ZCWPW2: variants seen among roughly 807,000 people sequenced by gnomAD.
ZCWPW2 encodes zinc finger CW-type and PWWP domain containing 2.
Under a neutral mutation model 46.6 loss-of-function variants are expected in ZCWPW2, and 45 were observed. The observed-to-expected ratio is 0.96, with a 90% confidence interval of 0.76 to 1.24. ZCWPW2 has a LOEUF of 1.24. Among genes scored for constraint, ZCWPW2 ranks in the 50% most tolerant of loss-of-function variants. The pLI is 0.00. For missense variants in ZCWPW2, 429 were observed against 403.9 expected (o/e 1.06, Z -0.53); for synonymous variants, 152 against 137.1 (o/e 1.11, Z -0.76).
chr3:28,373,905 C>G (rs1435824201), intron 1 of ZCWPW2, among the ~76,000 whole-genome samples: 1 of 152,148 alleles, frequency 6.6e-6, no homozygotes, highest in African/African-American at 2.4e-5. Flanking sequence ...TTAATCCCAT[C>G]TCAGATGGAT....
chr3:28,508,500 C>T (rs994351588), intron 6 of ZCWPW2, among the ~76,000 whole-genome samples: 3 of 151,742 alleles, frequency 2.0e-5, no homozygotes, highest in Non-Finnish European at 2.9e-5. Context: ...TCACTTTCAA[C>T]CTTTTTGTTT....
At chr3:28,460,167 C>A (rs1698573123) in intron 4 of ZCWPW2, among the ~76,000 whole-genome samples, 1 of 151,810 alleles carries the variant, frequency 6.6e-6, no homozygotes, top group African/African-American at 2.4e-5. Context: ...TTATTTTTCT[C>A]TGGCTAATTT....
chr3:28,486,026 T>G (rs1699589805), intron 5 of ZCWPW2, among the ~76,000 whole-genome samples: 1 of 152,168 alleles, frequency 6.6e-6, no homozygotes, highest in African/African-American at 2.4e-5. Context: ...TTTTTCTGTC[T>G]TTGTGATTTT....
chr3:28,435,789 A>T (rs1404182668), intron 4 of ZCWPW2, among the ~76,000 whole-genome samples: 1 of 152,134 alleles, frequency 6.6e-6, no homozygotes, highest in Non-Finnish European at 1.5e-5. Flanking sequence ...CCCAGCCTTA[A>T]ATTTTATTTT....
chr3:28,389,334 CT>C (rs112347370), intron 1 of ZCWPW2, among the ~76,000 whole-genome samples: 1 of 152,042 alleles, frequency 6.6e-6, no homozygotes, highest in African/African-American at 2.4e-5. Flanking sequence ...CATCCTTTTT[CT>C]TTTTTTTCCA....
intron 1 of ZCWPW2, among the ~76,000 whole-genome samples, chr3:28,353,856 G>T (rs1300131460): frequency 2.0e-5 from 3 of 152,148 alleles, no homozygotes; most frequent in South Asian, 4.1e-4. Flanking sequence ...CAACAGAGGA[G>T]GTTGGTAGAT....
intron 1 of ZCWPW2, among the ~76,000 whole-genome samples, chr3:28,371,804 G>A (rs1575059987): frequency 6.6e-6 from 1 of 152,186 alleles, no homozygotes; most frequent in South Asian, 2.1e-4. Flanking sequence ...GGGGGTTGGT[G>A]GCGGATGTGG....
intron 1 of ZCWPW2, among the ~76,000 whole-genome samples, chr3:28,389,339 T>C (rs1009717068): frequency 3.3e-5 from 5 of 152,202 alleles, no homozygotes; most frequent in Non-Finnish European, 7.3e-5. Flanking sequence ...TTTTTCTTTT[T>C]TTTCCATCAC....
At chr3:28,474,586 C>CGTGTGTGT (rs71087699) in intron 4 of ZCWPW2, among the ~76,000 whole-genome samples, 5,957 of 136,036 alleles carry the variant, frequency 0.044, 139 homozygotes, top group Non-Finnish European at 0.053. Flanking sequence ...TTAAATACAG[C>CGTGTGTGT]GTGTGTGTGT....
chr3:28,467,828 C>G (rs1160672656), intron 4 of ZCWPW2, among the ~76,000 whole-genome samples: 1 of 152,142 alleles, frequency 6.6e-6, no homozygotes, highest in East Asian at 1.9e-4. Context: ...TTTTAAATAC[C>G]TGGAAAGCTT....
chr3:28,361,117 A>T (rs536919365), intron 1 of ZCWPW2, among the ~76,000 whole-genome samples: 1 of 152,294 alleles, frequency 6.6e-6, no homozygotes, highest in South Asian at 2.1e-4. Flanking sequence ...AGAAATTGGA[A>T]ATGCTCTGGT....
intron 3 of ZCWPW2, among the ~76,000 whole-genome samples, chr3:28,421,974 T>G (rs1323607251): frequency 6.6e-6 from 1 of 151,960 alleles, no homozygotes; most frequent in South Asian, 2.1e-4. Context: ...ATTTCCTAGG[T>G]TTTTCTCTCC....
intron 2 of ZCWPW2, among the ~76,000 whole-genome samples, chr3:28,401,103 C>T (rs866480543): frequency 5.3e-5 from 8 of 151,560 alleles, no homozygotes; most frequent in East Asian, 1.9e-4. Context: ...GGCGTGAACC[C>T]GGGAGGCGGA....
At chr3:28,381,782 T>C (rs1418368141) in intron 1 of ZCWPW2, among the ~76,000 whole-genome samples, 2 of 152,030 alleles carry the variant, frequency 1.3e-5, no homozygotes, top group Non-Finnish European at 2.9e-5. Flanking sequence ...AGAACCCTTA[T>C]CTCAAAAACA....
intron 6 of ZCWPW2, among the ~76,000 whole-genome samples, chr3:28,495,441 T>G (rs1359246300): frequency 6.6e-6 from 1 of 152,110 alleles, no homozygotes; most frequent in East Asian, 1.9e-4. Context: ...TAGTAACTAG[T>G]GTTTCTATAT....
chr3:28,485,050 C>T (rs1321137222), intron 5 of ZCWPW2, among the ~76,000 whole-genome samples: 2 of 151,518 alleles, frequency 1.3e-5, no homozygotes, highest in South Asian at 2.1e-4. Context: ...ATAAATTTTC[C>T]TCTGAACATT....
At chr3:28,421,728 TTA>T (rs1276073728) in intron 3 of ZCWPW2, among the ~76,000 whole-genome samples, 2 of 151,488 alleles carry the variant, frequency 1.3e-5, no homozygotes, top group African/African-American at 4.9e-5. Flanking sequence ...GAGAATCTTT[TTA>T]TGTTTTTTTT....
intron 1 of ZCWPW2, among the ~76,000 whole-genome samples, chr3:28,364,009 T>G (rs1705032955): frequency 6.6e-6 from 1 of 152,170 alleles, no homozygotes; most frequent in Non-Finnish European, 1.5e-5. Context: ...TTAAATATAG[T>G]CTTCCTATAA....
At position 28,524,854 on chromosome 3, in the gene ZCWPW2, C is replaced by A; in HGVS notation, c.*166C>A. 2.0e-6 allele frequency: 1 copy of A among 497,148 alleles called. No homozygotes were observed. Among genetic ancestry groups the A allele is most frequent in the Non-Finnish European group, 3.1e-6 (1 of 324,052 alleles). 30.8% of individuals were successfully genotyped at this position (497,148 alleles called of 1,614,324 possible). A position where few individuals can be genotyped will look rare whatever the true frequency, so the allele number is the denominator to read the frequency against. On this transcript the variant is annotated 3_prime_UTR_variant, in exon 10 of 10. Coordinates refer to ENST00000383768, the MANE Select transcript of ZCWPW2 (RefSeq NM_001040432.4). ...TTGAGAATGGCCATGATTTTTAGAG[C>A]CAGTCAAATGGTATTTAAGTTAGTG...
Sources: gnomAD v4.1 joint callset for allele counts (sites outside exome capture counted in the v4.1 genomes callset) on GRCh38, gnomAD v4.1.1 for gene constraint, MANE v1.5 for transcripts, NCBI Gene and HGNC (gene_info 2026-07-23, HGNC 2026-07-21) for gene names.